The following TYW1B variants were observed in gnomAD, a reference collection of about 807,000 sequenced individuals.
The protein encoded by TYW1B is S-adenosyl-L-methionine-dependent tRNA 4-demethylwyosine synthase TYW1B.
In TYW1B, 73 loss-of-function variants were observed where a neutral mutation model predicts 86.9. The ratio of observed to expected loss-of-function variants is 0.84; its 90% CI spans 0.70 to 1.02. The LOEUF is 1.02. TYW1B is among the 50% of genes least tolerant of loss of function. TYW1B has a pLI of 0.00. For missense variants in TYW1B, 637 were observed against 827.4 expected, an observed-to-expected ratio of 0.77 and a Z score of 2.82; for synonymous variants, 248 against 292.8, an observed-to-expected ratio of 0.85 and a Z score of 1.56.
At chr7:72,811,226 G>A (rs1471621396) in intron 3 of TYW1B, among the ~76,000 whole-genome samples, 19 of 147,078 alleles carry the variant, frequency 1.3e-4, no homozygotes, top group East Asian at 2.0e-4. Context: ...AGCCGAGATC[G>A]CGCCACTGCA....
chr7:72,823,174 A>AT (rs1306402513), intron 2 of TYW1B: 1 of 151,652 alleles, frequency 6.6e-6, no homozygotes, highest in Non-Finnish European at 1.5e-5. Context: ...CGCCCAGCTA[A>AT]TTTTTTGTAT....
At chr7:72,624,989 G>A (rs1812307017) in intron 12 of TYW1B, among the ~76,000 whole-genome samples, 1 of 152,020 alleles carries the variant, frequency 6.6e-6, no homozygotes, top group Non-Finnish European at 1.5e-5. Flanking sequence ...AACCCAGGAG[G>A]CGGAGGTTGC....
intron 13 of TYW1B, among the ~76,000 whole-genome samples, chr7:72,604,450 A>T (rs1811748637): frequency 6.6e-6 from 1 of 152,116 alleles, no homozygotes. Context: ...CGACAGAGTG[A>T]GACTCTGTCT....
intron 2 of TYW1B, among the ~76,000 whole-genome samples, chr7:72,825,626 C>G (rs1183066133): frequency 1.3e-5 from 2 of 151,980 alleles, no homozygotes; most frequent in African/African-American, 4.8e-5. Context: ...TGCAGTGAGC[C>G]GAGATCGTGC....
At chr7:72,651,944 G>T (rs1323101507) in intron 11 of TYW1B, among the ~76,000 whole-genome samples, 1 of 152,078 alleles carries the variant, frequency 6.6e-6, no homozygotes, top group Non-Finnish European at 1.5e-5. Flanking sequence ...AAGAGATAGG[G>T]TCTTGCTCTG....
In TYW1B at chr7:72,713,657, A is replaced by C; in HGVS notation, c.1334T>G (p.Phe445Cys). 2.5e-6 allele frequency: 4 copies of C among 1,614,118 alleles called. No homozygotes were observed. Among genetic ancestry groups the C allele is most frequent in the Non-Finnish European group, 3.4e-6 (4 of 1,180,018 alleles). Residue 445 changes from phenylalanine (F) to cysteine (C), a missense_variant, in exon 10 of 14, where the codon TTC (phenylalanine) becomes TGC (cysteine). Transcript: ENST00000620995. ...KLLHQCKISS[F>C]LVTNAQFPAE... Reference sequence around the variant, plus strand: ...AGGAAATTGTGCATTTGTGACCAGGAAGCTGGAGATTTTACACTGGTGGAG... The same window carrying C: ...AGGAAATTGTGCATTTGTGACCAGGCAGCTGGAGATTTTACACTGGTGGAG...
intron 13 of TYW1B, among the ~76,000 whole-genome samples, chr7:72,610,395 A>G (rs1463104379): frequency 6.6e-6 from 1 of 151,930 alleles, no homozygotes; most frequent in Non-Finnish European, 1.5e-5. Context: ...ATAAATATGC[A>G]AGTAACATCA....
At chr7:72,738,466 T>G (rs1268293039) in intron 8 of TYW1B, among the ~76,000 whole-genome samples, 1 of 152,148 alleles carries the variant, frequency 6.6e-6, no homozygotes, top group African/African-American at 2.4e-5. Context: ...ACACAGGTTA[T>G]TTCAACCTCA....
chr7:72,654,154 T>C (rs1183085805), intron 11 of TYW1B, among the ~76,000 whole-genome samples: 1 of 149,112 alleles, frequency 6.7e-6, no homozygotes, highest in East Asian at 1.9e-4. Flanking sequence ...TAATAAAGAA[T>C]ATCTACAGAA....
intron 7 of TYW1B, among the ~76,000 whole-genome samples, chr7:72,774,370 T>C (rs1787916876): frequency 7.4e-6 from 1 of 135,096 alleles, no homozygotes; most frequent in Non-Finnish European, 1.6e-5. Context: ...TAACTTAACC[T>C]TGTCCCAGGG....
intron 13 of TYW1B, among the ~76,000 whole-genome samples, chr7:72,603,299 T>C (rs1811717588): frequency 7.0e-6 from 1 of 142,334 alleles, no homozygotes; most frequent in Admixed American, 7.1e-5. Context: ...AGATGACAGA[T>C]GATTGATGGA....
Position 72,713,605 on chromosome 7 carries a change from A to G in TYW1B, c.1370+16T>C. The G allele has an allele frequency of 1.2e-6, 2 of 1,603,056 alleles. No individual in the cohort carries two copies. Among genetic ancestry groups the G allele is most frequent in the South Asian group, 2.3e-5 (2 of 88,570 alleles). On this transcript the variant is annotated intron_variant, in intron 10 of 13. Coordinates refer to ENST00000620995, the MANE Select transcript of TYW1B (RefSeq NM_001145440.3). ...ATAGATTCAAGCAGCATCTCTCCAT[A>G]GGCTGGAGAACTCACCTGATTTCCG...
intron 11 of TYW1B, among the ~76,000 whole-genome samples, chr7:72,661,018 C>A (rs1205461606): frequency 1.3e-5 from 2 of 149,904 alleles, no homozygotes; most frequent in Admixed American, 1.3e-4. Flanking sequence ...ACCTTTAATC[C>A]CAGCTATTCG....
intron 4 of TYW1B, among the ~76,000 whole-genome samples, chr7:72,810,138 C>T (rs7793161): frequency 0.086 from 13,041 of 151,774 alleles, 970 homozygotes; most frequent in East Asian, 0.33. Context: ...ATTGGCCAAG[C>T]GTGGTGGCAC....
At chr7:72,659,716 T>C (rs1407216898) in intron 11 of TYW1B, among the ~76,000 whole-genome samples, 2 of 152,058 alleles carry the variant, frequency 1.3e-5, no homozygotes, top group South Asian at 2.1e-4. Flanking sequence ...TCAAGCAAGA[T>C]TGTCAAAAGA....
chr7:72,763,282 C>G (rs35566162), intron 7 of TYW1B, among the ~76,000 whole-genome samples: 1 of 118,390 alleles, frequency 8.4e-6, no homozygotes, highest in African/African-American at 3.2e-5. Flanking sequence ...CTTTTCTTTT[C>G]TTTTTTTTTT....
intron 6 of TYW1B, among the ~76,000 whole-genome samples, chr7:72,780,292 G>A (rs1319227280): frequency 6.6e-6 from 1 of 152,080 alleles, no homozygotes; most frequent in African/African-American, 2.4e-5. Flanking sequence ...AAGAAGTCTT[G>A]TGGTGAAGCA....
chr7:72,648,064 TAATATA>T (rs1478436354), intron 11 of TYW1B, among the ~76,000 whole-genome samples: 6 of 152,014 alleles, frequency 3.9e-5, no homozygotes, highest in Non-Finnish European at 5.9e-5. Flanking sequence ...ATGGCATTAA[TAATATA>T]AATATATCTA....
chr7:72,607,257 G>A (rs1329607030), intron 13 of TYW1B, among the ~76,000 whole-genome samples: 1 of 151,912 alleles, frequency 6.6e-6, no homozygotes, highest in Non-Finnish European at 1.5e-5. Context: ...GCTGGGTGTG[G>A]TGGTACACGC....
Sources: gnomAD v4.1 joint callset for allele counts (sites outside exome capture counted in the v4.1 genomes callset) on GRCh38, gnomAD v4.1.1 for gene constraint, MANE v1.5 for transcripts, NCBI Gene and HGNC (gene_info 2026-07-23, HGNC 2026-07-21) for gene names.